SPOCK3: variants seen among roughly 807,000 people sequenced by gnomAD.
The protein encoded by SPOCK3 is SPARC (osteonectin), cwcv and kazal like domains proteoglycan 3, also known as testican-3.
Under a neutral mutation model 56.6 loss-of-function variants are expected in SPOCK3, and 30 were observed. The ratio of observed to expected loss-of-function variants is 0.53; its 90% CI spans 0.40 to 0.72. The LOEUF (loss-of-function observed/expected upper bound fraction) is 0.72, where lower values mean the gene tolerates loss of function less well. SPOCK3 is among the 30% of genes least tolerant of loss of function. SPOCK3 has a pLI of 0.00. For synonymous variants in SPOCK3, 196 were observed against 183.3 expected, an observed-to-expected ratio of 1.07 and a Z score of -0.56; for missense variants, 527 against 530.0, an observed-to-expected ratio of 0.99 and a Z score of 0.06.
intron 2 of SPOCK3, among the ~76,000 whole-genome samples, chr4:167,204,658 A>C (rs1580611091): frequency 6.6e-6 from 1 of 151,940 alleles, no homozygotes; most frequent in East Asian, 1.9e-4. Context: ...GAGCCAGACC[A>C]TGTCACCCCC....
intron 2 of SPOCK3, among the ~76,000 whole-genome samples, chr4:167,098,944 C>T (rs1191960705): frequency 2.0e-5 from 3 of 151,922 alleles, no homozygotes; most frequent in Non-Finnish European, 4.4e-5. Context: ...ATCTAACAAG[C>T]TTATGCTTAT....
rs760311415 is a variant in SPOCK3 at position 167,234,088 on chromosome 4, G to C, written c.86C>G (p.Ala29Gly). Residue 29 changes from alanine (A) to glycine (G), a missense_variant, in exon 2 of 11, where the codon GCC becomes GGC. Transcript: ENST00000357545. The stretch of plus-strand genomic sequence containing the variant: ...ATTACCGCCGTCCGACCGCCCCCCG[G>C]CTGCAGCCACCGCCGCGGCAGCTGC... ...SLAAAAAVAA[A>G]GGRSDGGNFL... is the part of the protein sequence containing the mutation. 34 of 1,613,764 alleles carry C rather than the reference G, an allele frequency of 2.1e-5. No homozygotes were observed. Among genetic ancestry groups the C allele is most frequent in the Non-Finnish European group, 2.9e-5 (34 of 1,179,948 alleles).
intron 3 of SPOCK3, among the ~76,000 whole-genome samples, chr4:167,033,395 T>TATC (rs890927291): frequency 2.7e-4 from 7 of 25,836 alleles, no homozygotes; most frequent in Admixed American, 1.2e-3. Flanking sequence ...AATTATTCAT[T>TATC]ATTATTATTA....
intron 2 of SPOCK3, among the ~76,000 whole-genome samples, chr4:167,095,594 C>T (rs2150316196): frequency 6.6e-6 from 1 of 151,772 alleles, no homozygotes; most frequent in South Asian, 2.1e-4. Flanking sequence ...GAAGAAGTTA[C>T]CAATATCAAA....
intron 4 of SPOCK3, among the ~76,000 whole-genome samples, chr4:166,951,596 T>A (rs1742630115): frequency 7.5e-6 from 1 of 133,966 alleles, no homozygotes; most frequent in Non-Finnish European, 1.6e-5. Flanking sequence ...GCCAGCATCA[T>A]CCTGATACCA....
chr4:166,957,344 C>T (rs1004340142), intron 4 of SPOCK3, among the ~76,000 whole-genome samples: 3 of 152,178 alleles, frequency 2.0e-5, no homozygotes, highest in Admixed American at 2.0e-4. Context: ...TTCAAGTGGG[C>T]CCTGAACTCA....
intron 4 of SPOCK3, among the ~76,000 whole-genome samples, chr4:166,921,791 C>A (rs1738516310): frequency 6.6e-6 from 1 of 152,186 alleles, no homozygotes; most frequent in Non-Finnish European, 1.5e-5. Flanking sequence ...GTTACAGCTA[C>A]ATAAATGTTC....
chr4:167,157,961 G>A (rs988649226), intron 2 of SPOCK3, among the ~76,000 whole-genome samples: 5 of 151,748 alleles, frequency 3.3e-5, no homozygotes, highest in Non-Finnish European at 5.9e-5. Context: ...ATAATCCAGA[G>A]GTCTTTATAT....
chr4:166,948,092 A>G (rs1446328755), intron 4 of SPOCK3, among the ~76,000 whole-genome samples: 1 of 152,176 alleles, frequency 6.6e-6, no homozygotes, highest in Non-Finnish European at 1.5e-5. Flanking sequence ...TTAAAAGTTC[A>G]CATATGAGTG....
At chr4:166,798,583 A>T (rs1398493770) in intron 6 of SPOCK3, among the ~76,000 whole-genome samples, 1 of 152,198 alleles carries the variant, frequency 6.6e-6, no homozygotes, top group Non-Finnish European at 1.5e-5. Flanking sequence ...AGAAAAATTC[A>T]AGAATGGCCT....
At chr4:166,851,519 C>G (rs1337519087) in intron 6 of SPOCK3, among the ~76,000 whole-genome samples, 1 of 152,230 alleles carries the variant, frequency 6.6e-6, no homozygotes, top group African/African-American at 2.4e-5. Flanking sequence ...CAAATTACTC[C>G]GAGCTACAGG....
chr4:167,226,419 T>C (rs1736602022), intron 2 of SPOCK3, among the ~76,000 whole-genome samples: 1 of 152,010 alleles, frequency 6.6e-6, no homozygotes, highest in South Asian at 2.1e-4. Flanking sequence ...AAAGATTGAT[T>C]AGGGAGGCAA....
chr4:166,853,454 T>C (rs1730341693), intron 6 of SPOCK3, among the ~76,000 whole-genome samples: 1 of 152,252 alleles, frequency 6.6e-6, no homozygotes, highest in Non-Finnish European at 1.5e-5. Context: ...TATTTTCTTT[T>C]GAAACTGAAA....
At chr4:167,111,489 T>G (rs1033203637) in intron 2 of SPOCK3, among the ~76,000 whole-genome samples, 11 of 152,148 alleles carry the variant, frequency 7.2e-5, no homozygotes, top group African/African-American at 2.4e-4. Flanking sequence ...TTCTACATAA[T>G]ACTTGCTTAA....
At chr4:167,116,913 G>GTATATATATATATA (rs70957813) in intron 2 of SPOCK3, among the ~76,000 whole-genome samples, 4 of 121,528 alleles carry the variant, frequency 3.3e-5, no homozygotes, top group Admixed American at 9.0e-5. Flanking sequence ...GTGTGTGTGT[G>GTATATATATATATA]TATATATATA....
At chr4:167,086,738 A>G (rs1010854527) in intron 2 of SPOCK3, among the ~76,000 whole-genome samples, 1 of 152,088 alleles carries the variant, frequency 6.6e-6, no homozygotes, top group Non-Finnish European at 1.5e-5. Context: ...TATTATATAA[A>G]TATCTACTTT....
At chr4:167,221,949 C>T (rs1735962177) in intron 2 of SPOCK3, among the ~76,000 whole-genome samples, 1 of 152,120 alleles carries the variant, frequency 6.6e-6, no homozygotes, top group Non-Finnish European at 1.5e-5. Context: ...AGCAATTCCA[C>T]TTCTGAGTAT....
chr4:166,801,407 T>A (rs1241874321), intron 6 of SPOCK3, among the ~76,000 whole-genome samples: 1 of 152,142 alleles, frequency 6.6e-6, no homozygotes, highest in Admixed American at 6.6e-5. Context: ...ATATGGTAGA[T>A]ACAAAAATTC....
intron 3 of SPOCK3, among the ~76,000 whole-genome samples, chr4:167,038,637 G>A (rs1164343469): frequency 7.2e-6 from 1 of 138,102 alleles, no homozygotes; most frequent in Admixed American, 7.7e-5. Context: ...CAGTAAGAGC[G>A]TGGTGCATGT....
Sources: allele counts gnomAD v4.1 joint callset (sites outside exome capture counted in the v4.1 genomes callset), GRCh38; gene constraint gnomAD v4.1.1; transcripts MANE v1.5; gene names NCBI Gene and HGNC (gene_info 2026-07-23, HGNC 2026-07-21).